WWTR1: variants seen among roughly 807,000 people sequenced by gnomAD.
The protein encoded by WWTR1 is WW domain containing transcription regulator 1, also known as WW domain-containing transcription regulator protein 1.
A neutral mutation model predicts 40.1 loss-of-function variants in WWTR1; 13 were observed. The ratio of observed to expected loss-of-function variants is 0.32; its 90% CI spans 0.21 to 0.52. The LOEUF (loss-of-function observed/expected upper bound fraction) is 0.52, where lower values mean the gene tolerates loss of function less well. WWTR1 is among the 20% of genes least tolerant of loss of function. The pLI, the probability that WWTR1 is intolerant of heterozygous loss-of-function variation, is 0.97. For synonymous variants in WWTR1, 230 were observed against 210.1 expected (o/e 1.09, Z -0.82); for missense variants, 436 against 523.1 (o/e 0.83, Z 1.63).
At chr3:149,532,011 C>T (rs762155541) in intron 4 of WWTR1, among the ~76,000 whole-genome samples, 6 of 152,338 alleles carry the variant, frequency 3.9e-5, no homozygotes, top group Non-Finnish European at 8.8e-5. Context: ...CTTTCCTGCT[C>T]CTCACATAGG....
chr3:149,545,061 A>G (rs1736303336), intron 3 of WWTR1, among the ~76,000 whole-genome samples: 1 of 152,164 alleles, frequency 6.6e-6, no homozygotes, highest in Admixed American at 6.5e-5. Context: ...CATTTCTTAC[A>G]CTCTTAGATT....
At chr3:149,678,726 A>G (rs754976204) in intron 1 of WWTR1, among the ~76,000 whole-genome samples, 3 of 151,952 alleles carry the variant, frequency 2.0e-5, no homozygotes, top group Non-Finnish European at 4.4e-5. Context: ...GGATTTACAG[A>G]TTTTTCATGA....
At chr3:149,681,511 C>A (rs1048008927) in intron 1 of WWTR1, among the ~76,000 whole-genome samples, 1 of 152,090 alleles carries the variant, frequency 6.6e-6, no homozygotes, top group African/African-American at 2.4e-5. Flanking sequence ...ATCCTTAGTC[C>A]ATTTTAAAAT....
In WWTR1 at chr3:149,657,292, C is replaced by T; in HGVS notation, c.15G>A (p.Ser5=). 6.2e-7 allele frequency: 1 copy of T among 1,611,142 alleles called. No homozygotes were observed. The highest frequency in any genetic ancestry group is 8.5e-7 in the Non-Finnish European group (1 of 1,178,692). Residue 5 remains serine, a synonymous_variant, in exon 2 of 7, where the codon TCG becomes TCA. Coordinates refer to ENST00000360632, the MANE Select transcript of WWTR1 (RefSeq NM_015472.6). ...CAGGCGGCGGGAGCGGAGGGGGCGC[C>T]GAGGCCGGATTCATCTTCTGCAAAA... MNPA[S]APPPLPPPGQ...
intron 3 of WWTR1, among the ~76,000 whole-genome samples, chr3:149,558,934 C>CT (rs146443720): frequency 0.017 from 2,532 of 152,198 alleles, 69 homozygotes; most frequent in African/African-American, 0.059. Flanking sequence ...CGAATCTGGG[C>CT]TATTAGATAA....
At chr3:149,618,154 T>A (rs192295935) in intron 2 of WWTR1, among the ~76,000 whole-genome samples, 1 of 152,372 alleles carries the variant, frequency 6.6e-6, no homozygotes, top group East Asian at 1.9e-4. Flanking sequence ...ATAAAGCCTG[T>A]GCTCTTTGCA....
upstream of WWTR1, among the ~76,000 whole-genome samples, chr3:149,708,081 G>A (rs1328201276): frequency 6.6e-6 from 1 of 152,114 alleles, no homozygotes; most frequent in African/African-American, 2.4e-5. Flanking sequence ...CTGTACCCCA[G>A]CTCATGACTG....
At chr3:149,635,147 G>T (rs945042349) in intron 2 of WWTR1, among the ~76,000 whole-genome samples, 3 of 152,190 alleles carry the variant, frequency 2.0e-5, no homozygotes, top group African/African-American at 7.2e-5. Context: ...TAGCTCACAG[G>T]AGTGCTGGGG....
intron 1 of WWTR1, among the ~76,000 whole-genome samples, chr3:149,675,723 CTT>C (rs142798215): frequency 6.8e-6 from 1 of 146,896 alleles, no homozygotes. Context: ...AAATTTCTTT[CTT>C]TTTTTTTTTG....
At chr3:149,645,118 C>A (rs533832074) in intron 2 of WWTR1, among the ~76,000 whole-genome samples, 1 of 131,418 alleles carries the variant, frequency 7.6e-6, no homozygotes, top group Non-Finnish European at 1.6e-5. Flanking sequence ...CTCGATCTGT[C>A]GCCCAGGCTG....
chr3:149,635,318 T>C (rs1711760545), intron 2 of WWTR1, among the ~76,000 whole-genome samples: 1 of 152,238 alleles, frequency 6.6e-6, no homozygotes, highest in African/African-American at 2.4e-5. Flanking sequence ...GAATTTAATT[T>C]ATATTAGGTC....
At chr3:149,536,471 CAA>C (rs1310681716) in intron 4 of WWTR1, among the ~76,000 whole-genome samples, 6 of 134,246 alleles carry the variant, frequency 4.5e-5, no homozygotes, top group Non-Finnish European at 3.1e-5. Context: ...CTTTGCATGA[CAA>C]AAAAAAAAAG....
chr3:149,523,177 C>T (rs1229838111), intron 6 of WWTR1, among the ~76,000 whole-genome samples: 1 of 151,854 alleles, frequency 6.6e-6, no homozygotes, highest in Non-Finnish European at 1.5e-5. Context: ...AGCAGCTCTG[C>T]AATCTCATAG....
intron 2 of WWTR1, among the ~76,000 whole-genome samples, chr3:149,634,100 G>A (rs971971825): frequency 6.6e-6 from 1 of 152,112 alleles, no homozygotes; most frequent in Non-Finnish European, 1.5e-5. Context: ...GGAAAGATGA[G>A]AGGTCCAGAA....
At chr3:149,525,985 T>C in intron 6 of WWTR1, 28 bp downstream of exon 6, 1 of 1,403,756 alleles carries the variant, frequency 7.1e-7, no homozygotes, top group Non-Finnish European at 9.7e-7. Context: ...ACAAACCCAT[T>C]GTAAGTGCTT....
At chr3:149,720,262 T>G (rs189649738) in intron 4 of WWTR1, among the ~76,000 whole-genome samples, 1 of 152,334 alleles carries the variant, frequency 6.6e-6, no homozygotes, top group Non-Finnish European at 1.5e-5. Context: ...GGCTTACATT[T>G]AGGCCATGGA....
chr3:149,711,269 T>C (rs1249886589), intron 5 of WWTR1, among the ~76,000 whole-genome samples: 2 of 151,752 alleles, frequency 1.3e-5, no homozygotes, highest in Admixed American at 1.3e-4. Flanking sequence ...ACCAGCCTGC[T>C]CACCACAGCG....
chr3:149,589,876 G>A (rs1386633981), intron 2 of WWTR1, among the ~76,000 whole-genome samples: 1 of 152,072 alleles, frequency 6.6e-6, no homozygotes, highest in African/African-American at 2.4e-5. Flanking sequence ...AAATATAACA[G>A]TTGAATCTTA....
chr3:149,676,143 C>T (rs1337806287), intron 1 of WWTR1, among the ~76,000 whole-genome samples: 1 of 152,086 alleles, frequency 6.6e-6, no homozygotes, highest in Non-Finnish European at 1.5e-5. Flanking sequence ...GGGAAAAAAT[C>T]ACAAATTACC....
Sources: gnomAD v4.1 joint callset for allele counts (sites outside exome capture counted in the v4.1 genomes callset) on GRCh38, gnomAD v4.1.1 for gene constraint, MANE v1.5 for transcripts, NCBI Gene and HGNC (gene_info 2026-07-23, HGNC 2026-07-21) for gene names.